The following ACSL1 variants were observed in gnomAD, a reference collection of about 807,000 sequenced individuals.
ACSL1 encodes acyl-CoA synthetase long chain family member 1.
In ACSL1, 41 loss-of-function variants were observed where a neutral mutation model predicts 98.4. That is an observed-to-expected ratio of 0.42 (90% confidence interval 0.32 to 0.54). The LOEUF (loss-of-function observed/expected upper bound fraction) is 0.54. ACSL1 is among the 20% of genes least tolerant of loss of function. ACSL1 has a pLI of 0.13. For missense variants in ACSL1, 734 were observed against 883.1 expected (o/e 0.83, Z 2.14); for synonymous variants, 316 against 322.7 (o/e 0.98, Z 0.22).
intron 12 of ACSL1, among the ~76,000 whole-genome samples, chr4:184,767,283 CAAAA>C (rs59005386): frequency 4.2e-5 from 4 of 95,576 alleles, no homozygotes; most frequent in Non-Finnish European, 4.1e-5. Flanking sequence ...GACCCTGTCT[CAAAA>C]AAAAAAAAAA....
chr4:184,787,613 C>T (rs28641704), intron 3 of ACSL1, among the ~76,000 whole-genome samples: 7,957 of 152,142 alleles, frequency 0.052, 696 homozygotes, highest in African/African-American at 0.18. Context: ...CCTGTAATTC[C>T]AGCACTTTGG....
At chr4:184,779,242 G>C (rs1172810604) in intron 5 of ACSL1, among the ~76,000 whole-genome samples, 1 of 152,154 alleles carries the variant, frequency 6.6e-6, no homozygotes, top group African/African-American at 2.4e-5. Context: ...ATGGGGGCTG[G>C]TCTTTCCCAT....
At chr4:184,768,646 G>A (rs1162992327) in intron 11 of ACSL1, among the ~76,000 whole-genome samples, 196 bp from the exon 12 acceptor site, 1 of 152,102 alleles carries the variant, frequency 6.6e-6, no homozygotes, top group Non-Finnish European at 1.5e-5. Context: ...ATTTCTCTTG[G>A]TTATCCTGAA....
intron 2 of ACSL1, among the ~76,000 whole-genome samples, chr4:184,796,987 A>G (rs1769500532): frequency 6.6e-6 from 1 of 152,182 alleles, no homozygotes; most frequent in African/African-American, 2.4e-5. Flanking sequence ...GACCTTCTTC[A>G]GACCCATCAG....
At chr4:184,813,677 C>A in intron 1 of ACSL1, 2 of 306,218 alleles carry the variant, frequency 6.5e-6, no homozygotes, top group South Asian at 2.5e-5. Context: ...AGGCTTTTTG[C>A]CACTGAAATA....
chr4:184,812,462 G>C (rs1406720155), intron 1 of ACSL1, among the ~76,000 whole-genome samples: 4 of 152,122 alleles, frequency 2.6e-5, no homozygotes, highest in Non-Finnish European at 5.9e-5. Context: ...CCCGCCACCA[G>C]ACTCCTACAC....
Position 184,757,676 on chromosome 4 carries a change from C to G in ACSL1, c.1915G>C (p.Val639Leu). The change falls in exon 20 of 21, where the codon GTG (valine) becomes CTG (leucine). Residue 639 changes from valine (V) to leucine (L), a missense_variant. Physicochemically the swap from Val to Leu is conservative, Grantham distance 32. Transcript: ENST00000281455. The surrounding 1 kb of genome is among the most constrained non-coding windows in gnomAD (Gnocchi z 4.5). ...AGACCAGAATCCTTCCCAAGTCTCACCATATCTTCGAGGATAGCTTTTTTG... is the reference window on the plus strand; with the variant it reads ...AGACCAGAATCCTTCCCAAGTCTCAGCATATCTTCGAGGATAGCTTTTTTG... ...DVKKAILEDM[V>L]RLGKDSGLKP... is the part of the protein sequence containing the mutation. 1 of 1,614,058 alleles carries G rather than the reference C, an allele frequency of 6.2e-7. No individual in the cohort carries two copies. Among genetic ancestry groups the G allele is most frequent in the South Asian group, 1.1e-5 (1 of 91,076 alleles).
chr4:184,810,571 A>G (rs1038005443), intron 1 of ACSL1, among the ~76,000 whole-genome samples: 2 of 152,236 alleles, frequency 1.3e-5, no homozygotes, highest in African/African-American at 4.8e-5. Flanking sequence ...GAGAAGGCAC[A>G]GCTGAGCTGG....
intron 1 of ACSL1, among the ~76,000 whole-genome samples, chr4:184,824,718 G>A (rs1011419591): frequency 2.6e-5 from 4 of 152,086 alleles, no homozygotes. Context: ...CCAATCTGAT[G>A]GCGAGCAATG....
chr4:184,763,372 A>G (rs1763130747), intron 15 of ACSL1, 117 bp from the exon 16 acceptor site: 10 of 867,664 alleles, frequency 1.2e-5, no homozygotes, highest in Non-Finnish European at 1.8e-5. Context: ...TAAACTTCTG[A>G]TTTCTGCAAT....
chr4:184,761,762 C>T (rs895960531), intron 17 of ACSL1, among the ~76,000 whole-genome samples: 42 of 152,140 alleles, frequency 2.8e-4, no homozygotes, highest in African/African-American at 9.7e-4. Context: ...CGGCTCAGTA[C>T]GGATATTGTA....
Position 184,770,401 on chromosome 4 carries a change from C to T in ACSL1, c.991G>A (p.Glu331Lys). The change falls in exon 11 of 21, where the codon GAG (glutamate) becomes AAG (lysine). Residue 331 changes from glutamate to lysine, a missense_variant and splice_region_variant. Glu to Lys is a moderately conservative substitution (Grantham distance 56). Transcript: ENST00000281455. ...GGAAAACAAAATTAAATGCCTACCT[C>T]TACAACTCTCTCAAACATATGGGCG... is the stretch of plus-strand genomic sequence containing the variant. ...PLAHMFERVV[E>K]CVMLCHGAKI... The T allele has an allele frequency of 6.2e-7, 1 of 1,613,538 alleles. No homozygotes were observed. Among genetic ancestry groups the T allele is most frequent in the Non-Finnish European group, 8.5e-7 (1 of 1,179,794 alleles).
At position 184,755,669 on chromosome 4, in the gene ACSL1, T is replaced by C. The variant is rs182478077; in HGVS notation, c.*1456A>G. ...AAATTTTGTTTTGGTTTATAAAACA[T>C]AGAAATAGCCAACACTTAAAGCAAA... is the stretch of plus-strand genomic sequence containing the variant. On this transcript the variant is annotated 3_prime_UTR_variant, in exon 21 of 21. Coordinates refer to ENST00000281455, the MANE Select transcript of ACSL1 (RefSeq NM_001995.5). 6.2e-4 allele frequency: 95 copies of C among 152,804 alleles called. No homozygotes were observed. The highest frequency in any genetic ancestry group is 2.1e-3 in the African/African-American group (87 of 41,586). 9.5% of individuals were successfully genotyped at this position (152,804 alleles called of 1,614,324 possible). A position where few individuals can be genotyped will look rare whatever the true frequency, so the allele number is the denominator to read the frequency against.
chr4:184,813,900 G>A (rs7676928), intron 1 of ACSL1: 224,975 of 455,366 alleles, frequency 0.49, 58,469 homozygotes, highest in South Asian at 0.55. Flanking sequence ...GAAACTGCAC[G>A]CAGAGAAGGT....
chr4:184,779,152 C>T (rs1765791207), intron 5 of ACSL1, among the ~76,000 whole-genome samples: 1 of 152,156 alleles, frequency 6.6e-6, no homozygotes, highest in South Asian at 2.1e-4. Flanking sequence ...GGCTGTGTCC[C>T]CACCCAAATC....
At chr4:184,776,730 G>A in intron 6 of ACSL1, 68 bp from the exon 7 acceptor site, 1 of 1,534,784 alleles carries the variant, frequency 6.5e-7, no homozygotes, top group Non-Finnish European at 8.8e-7. Context: ...GTCATATCCA[G>A]CACAAGGATA....
rs1203370922 is a variant in ACSL1, at chr4:184,780,313, A to G, written c.477+19T>C. ...AGAATTCTCAAAATCATGCATAGCA[A>G]GTACCTACTGGTTCATACCTCAGGT... is the stretch of plus-strand genomic sequence containing the variant. On this transcript the variant is annotated intron_variant, in intron 5 of 20. Coordinates refer to ENST00000281455, the MANE Select transcript of ACSL1 (RefSeq NM_001995.5). 1.2e-5 allele frequency: 19 copies of G among 1,599,430 alleles called. No individual in the cohort carries two copies. Among genetic ancestry groups the G allele is most frequent in the Non-Finnish European group, 1.6e-5 (19 of 1,169,972 alleles).
chr4:184,782,827 G>A (rs1428304290), intron 4 of ACSL1, among the ~76,000 whole-genome samples: 1 of 152,112 alleles, frequency 6.6e-6, no homozygotes. Context: ...CCCAGAGGAC[G>A]GACGGGGAGA....
intron 1 of ACSL1, among the ~76,000 whole-genome samples, chr4:184,810,709 A>C (rs757896997): frequency 3.9e-5 from 6 of 152,050 alleles, no homozygotes; most frequent in Non-Finnish European, 7.4e-5. Flanking sequence ...GGAACAAACG[A>C]TAGGGCTCAA....
Sources: allele counts gnomAD v4.1 joint callset (sites outside exome capture counted in the v4.1 genomes callset), GRCh38; gene constraint gnomAD v4.1.1; non-coding constraint Gnocchi (gnomAD v3.1); transcripts MANE v1.5; gene names NCBI Gene and HGNC (gene_info 2026-07-23, HGNC 2026-07-21).